The following KIF1A variants were observed in gnomAD, a reference collection of about 807,000 sequenced individuals.
The protein encoded by KIF1A is kinesin family member 1A.
A neutral mutation model predicts 227.3 loss-of-function variants in KIF1A; 46 were observed. The ratio of observed to expected loss-of-function variants is 0.20; its 90% CI spans 0.16 to 0.26. The LOEUF (loss-of-function observed/expected upper bound fraction) is 0.26, where lower values mean the gene tolerates loss of function less well. KIF1A is among the 10% of genes least tolerant of loss of function. KIF1A has a pLI of 1.00. For synonymous variants in KIF1A, 1,022 were observed against 1,012.8 expected, an observed-to-expected ratio of 1.01 and a Z score of -0.17; for missense variants, 1,683 against 2,485.9, an observed-to-expected ratio of 0.68 and a Z score of 6.87.
chr2:240,719,996 C>A (rs1575514600), intron 45 of KIF1A, 70 bp from the exon 46 acceptor site: 1 of 1,491,872 alleles, frequency 6.7e-7, no homozygotes. Flanking sequence ...CCCCAGGCTT[C>A]ACCCTCCTCA....
chr2:240,797,758 T>G lies in KIF1A; in HGVS notation c.-6A>C. ...TTCACCGAAGCCCCGGCCATCTCTG[T>G]GGCCTTCGTGGGTCACTCCTCGCAG... On this transcript the variant is annotated 5_prime_UTR_variant, in exon 2 of 49. Transcript: ENST00000498729. The G allele has an allele frequency of 2.5e-6, 4 of 1,597,862 alleles. No individual in the cohort carries two copies. Among genetic ancestry groups the G allele is most frequent in the Non-Finnish European group, 3.4e-6 (4 of 1,170,056 alleles).
chr2:240,754,397 G>C (rs982433731), intron 27 of KIF1A, among the ~76,000 whole-genome samples: 1 of 152,208 alleles, frequency 6.6e-6, no homozygotes, highest in Non-Finnish European at 1.5e-5. Context: ...CTGGCTCGGT[G>C]ATAGACTTGT....
chr2:240,729,885 C>T (rs1038055589), intron 38 of KIF1A, among the ~76,000 whole-genome samples: 10 of 152,324 alleles, frequency 6.6e-5, no homozygotes, highest in African/African-American at 1.4e-4. Context: ...GATGGCTAGC[C>T]GGACCAGGGT....
In KIF1A at chr2:240,788,753, G is replaced by A. The variant is rs1461176855; in HGVS notation, c.183+483C>T. On this transcript the variant is annotated intron_variant, in intron 3 of 48. Transcript: ENST00000498729. This position sits in a 1 kb window ranked among gnomAD's most constrained non-coding sequence, Gnocchi z 6.6. ...GCCCTGGGGCTGTTATGGGGGGCAGGTGCTCAGAGATATAGATATGAGGGG... is the reference window on the plus strand; with the variant it reads ...GCCCTGGGGCTGTTATGGGGGGCAGATGCTCAGAGATATAGATATGAGGGG... 2.6e-5 allele frequency among the ~76,000 whole-genome samples: 4 copies of A among 152,102 alleles called. No individual in the cohort carries two copies. Among genetic ancestry groups the A allele is most frequent in the Admixed American group, 6.6e-5 (1 of 15,262 alleles).
rs1328033713 is a variant in KIF1A, at chr2:240,758,478, G to C, written c.2464C>G (p.Arg822Gly). The change falls in exon 26 of 49, where the codon CGG becomes GGG. Residue 822 changes from arginine to glycine, a missense_variant. Coordinates refer to ENST00000498729, the MANE Select transcript of KIF1A (RefSeq NM_001244008.2). The surrounding 1 kb of genome is among the most constrained non-coding windows in gnomAD (Gnocchi z 5.2). The stretch of plus-strand genomic sequence containing the variant: ...TCTGCAGCGCGGTCGTACATCTCCC[G>C]CATCAGGTCCAGACGCTGCCTGCAG... Reference protein sequence around the residue: ...EKLRQRLDLMREMYDRAAEVP... With the variant: ...EKLRQRLDLMGEMYDRAAEVP... The C allele has an allele frequency of 1.2e-6, 2 of 1,600,676 alleles. No individual in the cohort carries two copies. The highest frequency in any genetic ancestry group is 1.7e-6 in the Non-Finnish European group (2 of 1,173,446).
rs375678057 is a variant in KIF1A, at chr2:240,726,468, G to A, written c.4122+358C>T. Among the ~76,000 whole-genome samples, 10 of 152,274 alleles carry A rather than the reference G, an allele frequency of 6.6e-5. 1 individual carries two copies. The highest frequency in any genetic ancestry group is 4.1e-4 in the South Asian group (2 of 4,822). Reference sequence around the variant, plus strand: ...TCTACTAAAAGTTCAAAAATTAGCCGGGCGTGGTGGCAGGCACCTGTAATC... The same window carrying A: ...TCTACTAAAAGTTCAAAAATTAGCCAGGCGTGGTGGCAGGCACCTGTAATC... On this transcript the variant is annotated intron_variant, in intron 39 of 48. Transcript: ENST00000498729. This position sits in a 1 kb window ranked among gnomAD's most constrained non-coding sequence, Gnocchi z 5.2.
intron 1 of KIF1A, among the ~76,000 whole-genome samples, chr2:240,815,886 T>C (rs988619575): frequency 1.3e-5 from 2 of 152,190 alleles, no homozygotes; most frequent in African/African-American, 4.8e-5. Context: ...GGTGCTGTTC[T>C]CATTGTTCAG....
At position 240,797,803 on chromosome 2, in the gene KIF1A, G is replaced by C; in HGVS notation, c.-51C>G. 1 of 1,165,796 alleles carries C rather than the reference G, an allele frequency of 8.6e-7. No homozygotes were observed. The allele number at this position is 1,165,796 out of a possible 1,614,324, so 72.2% of individuals were successfully genotyped here. A position where few individuals can be genotyped will look rare whatever the true frequency, so the allele number is the denominator to read the frequency against. ...TCGCAGTAGTGGGAGCCCCAGTGTG[G>C]GGGGAACACCTTGGAAAAAAGGGAA... On this transcript the variant is annotated 5_prime_UTR_variant, in exon 2 of 49. Transcript: ENST00000498729.
intron 1 of KIF1A, among the ~76,000 whole-genome samples, chr2:240,798,944 C>A (rs1455506264): frequency 6.6e-6 from 1 of 152,056 alleles, no homozygotes; most frequent in Non-Finnish European, 1.5e-5. Context: ...AGAGCAAAGG[C>A]TGGGAGGCCT....
At chr2:240,749,026 T>C (rs1284329125) in intron 28 of KIF1A, among the ~76,000 whole-genome samples, 1 of 151,692 alleles carries the variant, frequency 6.6e-6, no homozygotes, top group African/African-American at 2.4e-5. Flanking sequence ...CTCGGCAGGC[T>C]GAGGCAGGAG....
chr2:240,745,664 C>T (rs1279327867), intron 31 of KIF1A, 74 bp downstream of exon 31: 3 of 1,557,460 alleles, frequency 1.9e-6, no homozygotes, highest in Non-Finnish European at 2.6e-6. Flanking sequence ...GCTCCCTGCC[C>T]AGCACCCAGG....
rs188912218 is a variant in KIF1A, at chr2:240,746,157, G to A, written c.3084C>T (p.Pro1028=). Reference sequence around the variant, plus strand: ...TTCCCGAGCGGGACATCCCCACCACGGGGCAAGACTCGGACTGGAACTGAT... The same window carrying A: ...TTCCCGAGCGGGACATCCCCACCACAGGGCAAGACTCGGACTGGAACTGAT... The part of the protein sequence containing the change: ...HFEKFQSESC[P]VVGMSRSGTS... Residue 1028 remains proline, a synonymous_variant, in exon 30 of 49, where the codon CCC becomes CCT. Coordinates refer to ENST00000498729, the MANE Select transcript of KIF1A (RefSeq NM_001244008.2). 19 of 1,565,946 alleles carry A rather than the reference G, an allele frequency of 1.2e-5. No homozygotes were observed. Among genetic ancestry groups the A allele is most frequent in the Non-Finnish European group, 1.5e-5 (17 of 1,155,914 alleles).
At chr2:240,770,936 G>C (rs1270638850) in intron 15 of KIF1A, 35 bp downstream of exon 15, 2 of 1,604,786 alleles carry the variant, frequency 1.2e-6, no homozygotes, top group African/African-American at 2.7e-5. Context: ...CACTCCCAGA[G>C]TCTGACACCC....
chr2:240,719,489 C>G (rs2045006273), intron 46 of KIF1A, among the ~76,000 whole-genome samples: 2 of 152,222 alleles, frequency 1.3e-5, no homozygotes, highest in Non-Finnish European at 2.9e-5. Flanking sequence ...CCACGAGTTC[C>G]CCACCTGGGC....
chr2:240,727,211 G>A lies in KIF1A; in HGVS notation c.4008-271C>T, dbSNP rs3772047. Reference sequence around the variant, plus strand: ...AATGGTGCCCCAGCTGTCACGCTGAGGCTGGAAGGAGAGGAGGCGGCAGGG... The same window carrying A: ...AATGGTGCCCCAGCTGTCACGCTGAAGCTGGAAGGAGAGGAGGCGGCAGGG... On this transcript the variant is annotated intron_variant, in intron 38 of 48. Coordinates refer to ENST00000498729, the MANE Select transcript of KIF1A (RefSeq NM_001244008.2). 0.21 allele frequency among the ~76,000 whole-genome samples: 31,224 copies of A among 152,060 alleles called. 3,534 individuals are homozygous for A. Among genetic ancestry groups the A allele is most frequent in the Non-Finnish European group, 0.26 (17,991 of 67,978 alleles).
intron 2 of KIF1A, among the ~76,000 whole-genome samples, chr2:240,797,431 GC>G (rs2126146234): frequency 6.6e-6 from 1 of 152,288 alleles, no homozygotes; most frequent in African/African-American, 2.4e-5. Flanking sequence ...TGGACTTCTG[GC>G]CTCCACAGCT....
chr2:240,783,557 G>A (rs1016709861), intron 8 of KIF1A, among the ~76,000 whole-genome samples, 182 bp downstream of exon 8: 14 of 152,154 alleles, frequency 9.2e-5, no homozygotes, highest in African/African-American at 3.4e-4. Context: ...CCCAGCGCTG[G>A]TGCCCCGGGC....
At chr2:240,760,558 T>G in intron 25 of KIF1A, 107 bp downstream of exon 25, 1 of 736,900 alleles carries the variant, frequency 1.4e-6, no homozygotes, top group Admixed American at 4.1e-5. Context: ...GGAACAGCGG[T>G]GTCTGCAGGT....
intron 42 of KIF1A, among the ~76,000 whole-genome samples, 177 bp downstream of exon 42, chr2:240,723,236 G>A (rs566742127): frequency 4.5e-4 from 68 of 152,254 alleles, no homozygotes; most frequent in Non-Finnish European, 8.2e-4. Context: ...CATACACCAC[G>A]CAGCCCCGCA....
Sources: gnomAD v4.1 joint callset for allele counts (sites outside exome capture counted in the v4.1 genomes callset) on GRCh38, gnomAD v4.1.1 for gene constraint, Gnocchi (gnomAD v3.1) non-coding constraint, MANE v1.5 for transcripts, NCBI Gene and HGNC (gene_info 2026-07-23, HGNC 2026-07-21) for gene names.